The following OPCML variants were observed in gnomAD, a reference collection of about 807,000 sequenced individuals.
The protein encoded by OPCML is opioid binding protein/cell adhesion molecule like.
A neutral mutation model predicts 37.8 loss-of-function variants in OPCML; 13 were observed. That is an observed-to-expected ratio of 0.34 (90% confidence interval 0.22 to 0.55). The LOEUF is 0.55. OPCML is among the 20% of genes least tolerant of loss of function. The pLI is 0.91. For synonymous variants in OPCML, 176 were observed against 168.8 expected, an observed-to-expected ratio of 1.04 and a Z score of -0.33; for missense variants, 341 against 435.6, an observed-to-expected ratio of 0.78 and a Z score of 1.93.
At chr11:132,903,047 C>T (rs1466628974) in intron 2 of OPCML, among the ~76,000 whole-genome samples, 3 of 152,268 alleles carry the variant, frequency 2.0e-5, no homozygotes, top group East Asian at 1.9e-4. Context: ...CCATTTCCTA[C>T]CCCTCATACT....
At chr11:132,996,313 G>A (rs933463096) in intron 1 of OPCML, among the ~76,000 whole-genome samples, 1 of 151,976 alleles carries the variant, frequency 6.6e-6, no homozygotes, top group African/African-American at 2.4e-5. Flanking sequence ...GTGCAAAGAG[G>A]GATAAAGATT....
At chr11:132,896,045 C>G (rs1346407530) in intron 2 of OPCML, among the ~76,000 whole-genome samples, 1 of 152,152 alleles carries the variant, frequency 6.6e-6, no homozygotes, top group Non-Finnish European at 1.5e-5. Flanking sequence ...TATATGGACC[C>G]TCAGAGCCGA....
intron 4 of OPCML, among the ~76,000 whole-genome samples, chr11:132,464,446 C>A (rs569259028): frequency 6.6e-6 from 1 of 152,142 alleles, no homozygotes; most frequent in Non-Finnish European, 1.5e-5. Flanking sequence ...GTAAGCTCCA[C>A]GAGAGCAAGA....
intron 2 of OPCML, among the ~76,000 whole-genome samples, chr11:132,914,596 G>A (rs1439015393): frequency 6.6e-6 from 1 of 152,288 alleles, no homozygotes; most frequent in African/African-American, 2.4e-5. Context: ...AGAGTGAACG[G>A]CTGTGCTGGA....
rs568022438 is a variant in OPCML, at chr11:133,119,231, C to T, written c.62-176221G>A. Among the ~76,000 whole-genome samples, 7 of 152,168 alleles carry T rather than the reference C, an allele frequency of 4.6e-5. No individual in the cohort carries two copies. In the South Asian group the frequency reaches 6.2e-4, roughly 14 times the overall value. ...AGAGGCTGAGAGGGCTCAGGCACAGCTCCTCCTCAGATTCTCATGGTCCTT... is the reference window on the plus strand; with the variant it reads ...AGAGGCTGAGAGGGCTCAGGCACAGTTCCTCCTCAGATTCTCATGGTCCTT... On this transcript the variant is annotated intron_variant, in intron 1 of 7. Coordinates refer to ENST00000524381, the MANE Select transcript of OPCML (RefSeq NM_001012393.5).
rs1190056713 is a variant in OPCML at position 132,621,793 on chromosome 11, ACTGCTCTCTTC to A, written c.379+35283_379+35293del. On this transcript the variant is annotated intron_variant, in intron 3 of 7. Transcript: ENST00000524381. Reference sequence around the variant, plus strand: ...CCTCAGTTACACACACACACTCCAAACTGCTCTCTTCCTGAGGTTTTATGGAGTAAGTTTGC... The same window carrying A: ...CCTCAGTTACACACACACACTCCAAACTGAGGTTTTATGGAGTAAGTTTGC... 5.7e-4 allele frequency among the ~76,000 whole-genome samples: 87 copies of A among 152,250 alleles called. 1 individual carries two copies. Among genetic ancestry groups the A allele is most frequent in the Middle Eastern group, 6.8e-3 (2 of 294 alleles).
rs147748919 is a variant in OPCML, at chr11:133,040,735, C to T, written c.62-97725G>A. Among the ~76,000 whole-genome samples the T allele has an allele frequency of 2.7e-3, 411 of 151,992 alleles. 1 individual carries two copies. The highest frequency in any genetic ancestry group is 9.1e-3 in the African/African-American group (378 of 41,432). On this transcript the variant is annotated intron_variant, in intron 1 of 7. Transcript: ENST00000524381. ...GGGCAGTGAGTCATTCAGAGCTGCA[C>T]GTATGTGACTGCGTCTCTCTGTGGG... is the stretch of plus-strand genomic sequence containing the variant.
intron 1 of OPCML, among the ~76,000 whole-genome samples, chr11:133,302,849 A>G (rs77831329): frequency 0.012 from 1,808 of 152,310 alleles, 26 homozygotes; most frequent in African/African-American, 0.041. Context: ...GAGATGTTAC[A>G]TATTGGGATG....
chr11:133,137,079 C>G lies in OPCML; in HGVS notation c.62-194069G>C, dbSNP rs116344812. Among the ~76,000 whole-genome samples the G allele has an allele frequency of 6.6e-3, 999 of 152,212 alleles. 11 individuals carry two copies. The highest frequency in any genetic ancestry group is 0.023 in the African/African-American group (939 of 41,524). ...TTAACGTGAAGGATGGTTTTCTCAT[C>G]GCTGGTTTAGCTCCTATTTAACAAC... is the stretch of plus-strand genomic sequence containing the variant. On this transcript the variant is annotated intron_variant, in intron 1 of 7. Transcript: ENST00000524381.
In OPCML at chr11:132,417,592, T is replaced by G. The variant is rs954038521; in HGVS notation, c.*2601A>C. The G allele has an allele frequency of 6.6e-6, 1 of 152,216 alleles. No homozygotes were observed. The allele number at this position is 152,216 out of a possible 1,614,324, so 9.4% of individuals were successfully genotyped here. On this transcript the variant is annotated 3_prime_UTR_variant, in exon 8 of 8. Transcript: ENST00000524381. ...GGCCAAAGGAGCATGGACCCTTTCC[T>G]GTAGAACAAGTCTTGGAGTGAGGAA...
At chr11:133,017,609 G>A (rs1344046846) in intron 1 of OPCML, among the ~76,000 whole-genome samples, 4 of 152,144 alleles carry the variant, frequency 2.6e-5, no homozygotes, top group South Asian at 4.2e-4. Context: ...GGCTGGTCTC[G>A]AACTCCCGAT....
At chr11:132,617,132 A>G (rs1793269) in intron 3 of OPCML, among the ~76,000 whole-genome samples, 110,841 of 152,132 alleles carry the variant, frequency 0.73, 40,846 homozygotes, top group East Asian at 0.87. Flanking sequence ...ATCTTTCTAT[A>G]TCTTCTGGAT....
chr11:133,247,738 G>A (rs1425556058), intron 1 of OPCML, among the ~76,000 whole-genome samples: 1 of 151,764 alleles, frequency 6.6e-6, no homozygotes, highest in African/African-American at 2.4e-5. Flanking sequence ...AAGTAGCTGG[G>A]ACTATCCACA....
chr11:133,097,505 TA>T (rs1949020855), intron 1 of OPCML, among the ~76,000 whole-genome samples: 1 of 151,060 alleles, frequency 6.6e-6, no homozygotes, highest in Middle Eastern at 3.2e-3. Flanking sequence ...CAGAAGAAAA[TA>T]AATAGTACAA....
chr11:133,228,781 A>T (rs1940150483), intron 1 of OPCML, among the ~76,000 whole-genome samples: 1 of 152,258 alleles, frequency 6.6e-6, no homozygotes, highest in African/African-American at 2.4e-5. Context: ...GCACACGCGG[A>T]GGCTGTTTAA....
intron 2 of OPCML, among the ~76,000 whole-genome samples, chr11:132,792,709 C>T (rs539037116): frequency 3.6e-4 from 55 of 152,268 alleles, no homozygotes; most frequent in African/African-American, 1.3e-3. Context: ...CTGCGGCCCC[C>T]AGGAGGGACG....
At chr11:132,919,268 G>C (rs1944707823) in intron 2 of OPCML, among the ~76,000 whole-genome samples, 1 of 152,158 alleles carries the variant, frequency 6.6e-6, no homozygotes, top group Admixed American at 6.5e-5. Flanking sequence ...TTCTAAGACA[G>C]TGGTTCTCAG....
At chr11:133,119,843 G>A (rs1372998667) in intron 1 of OPCML, among the ~76,000 whole-genome samples, 1 of 152,194 alleles carries the variant, frequency 6.6e-6, no homozygotes, top group African/African-American at 2.4e-5. Context: ...ACGTGGGAGT[G>A]AAGTGGGCGG....
chr11:133,249,717 A>C (rs552781683), intron 1 of OPCML, among the ~76,000 whole-genome samples: 1 of 152,338 alleles, frequency 6.6e-6, no homozygotes, highest in South Asian at 2.1e-4. Context: ...CTGCCTGTGA[A>C]GATGTGATTC....
Sources: gnomAD v4.1 joint callset for allele counts (sites outside exome capture counted in the v4.1 genomes callset) on GRCh38, gnomAD v4.1.1 for gene constraint, MANE v1.5 for transcripts, NCBI Gene and HGNC (gene_info 2026-07-23, HGNC 2026-07-21) for gene names.